Variants in RTN3 observed in about 807,000 individuals in gnomAD.
The protein encoded by RTN3 is reticulon-3.
In RTN3, 49 loss-of-function variants were observed where a neutral mutation model predicts 77.8. That is an observed-to-expected ratio of 0.63 (90% confidence interval 0.50 to 0.80). RTN3 has a LOEUF of 0.80. Ranked by LOEUF, RTN3 falls within the 30% of genes least tolerant of loss-of-function variation. The probability of loss-of-function intolerance (pLI) is 0.00; values close to 1 mark genes in which losing one functional copy is unlikely to be tolerated. For missense variants in RTN3, 1,236 were observed against 1,211.9 expected (o/e 1.02, Z -0.29); for synonymous variants, 464 against 446.9 (o/e 1.04, Z -0.48).
Position 63,749,999 on chromosome 11 carries a change from C to G in RTN3, c.2539C>G (p.Leu847Val). Residue 847 changes from leucine to valine, a missense_variant, in exon 4 of 9, where the codon CTG becomes GTG. Around this residue, in one of 3 missense-constraint regions of RTN3, gnomAD observed 1,056 missense variants for 990.4 expected, o/e 1.07. Coordinates refer to ENST00000377819, the MANE Select transcript of RTN3 (RefSeq NM_001265589.2). ...RLLTDFSVHD[L>V]IFWRDVKKTG... ...CCCTTTTCTTTTGTCAGTGCACGAT[C>G]TGATTTTCTGGAGAGATGTGAAGAA... 10 of 1,613,230 alleles carry G rather than the reference C, an allele frequency of 6.2e-6. No homozygotes were observed. Among genetic ancestry groups the G allele is most frequent in the Non-Finnish European group, 7.6e-6 (9 of 1,179,238 alleles).
intron 3 of RTN3, 102 bp downstream of exon 3, chr11:63,721,134 C>A: frequency 9.7e-7 from 1 of 1,030,726 alleles, no homozygotes. Flanking sequence ...AAAATTATGG[C>A]TAAAATACAA....
intron 3 of RTN3, among the ~76,000 whole-genome samples, chr11:63,723,747 C>T (rs1444315461): frequency 1.3e-5 from 2 of 152,048 alleles, no homozygotes; most frequent in African/African-American, 2.4e-5. Context: ...GTTTTAAATA[C>T]GTGTATCTGC....
At chr11:63,687,137 C>G (rs1016009840) in intron 1 of RTN3, among the ~76,000 whole-genome samples, 1 of 152,202 alleles carries the variant, frequency 6.6e-6, no homozygotes, top group Non-Finnish European at 1.5e-5. Flanking sequence ...CTGAGTGTTA[C>G]ATTCGTGTCA....
intron 3 of RTN3, among the ~76,000 whole-genome samples, chr11:63,729,900 C>T (rs1214450352): frequency 6.6e-6 from 1 of 152,040 alleles, no homozygotes; most frequent in Non-Finnish European, 1.5e-5. Context: ...TCAAGCAATC[C>T]TCCCACTTCA....
At position 63,720,278 on chromosome 11, in the gene RTN3, A is replaced by G; in HGVS notation, c.1776A>G (p.Leu592=). ...CSKVPDTNVS[L]EDVSEVAPEK... is the part of the protein sequence containing the mutation. ...AAGTACCCGATACGAATGTCTCCTT[A>G]GAAGATGTGAGTGAAGTTGCTCCTG... The change falls in exon 3 of 9, where the codon TTA becomes TTG. Residue 592 remains leucine, a synonymous_variant. Coordinates refer to ENST00000377819, the MANE Select transcript of RTN3 (RefSeq NM_001265589.2). The G allele has an allele frequency of 1.2e-6, 2 of 1,613,588 alleles. No individual in the cohort carries two copies. The highest frequency in any genetic ancestry group is 2.2e-5 in the East Asian group (1 of 44,872).
chr11:63,741,257 C>CTGT (rs1371904675), intron 3 of RTN3, among the ~76,000 whole-genome samples: 2 of 150,544 alleles, frequency 1.3e-5, no homozygotes, highest in African/African-American at 4.9e-5. Flanking sequence ...GGCTGCAGTG[C>CTGT]TGTGGCTTGA....
In RTN3 at chr11:63,681,714, C is replaced by T; in HGVS notation, c.78C>T (p.Gly26=). 6.2e-7 allele frequency: 1 copy of T among 1,609,992 alleles called. No individual in the cohort carries two copies. Among genetic ancestry groups the T allele is most frequent in the South Asian group, 1.1e-5 (1 of 90,894 alleles). The change falls in exon 1 of 9, where the codon GGC becomes GGT. Residue 26 remains glycine (G), a synonymous_variant. Coordinates refer to ENST00000377819, the MANE Select transcript of RTN3 (RefSeq NM_001265589.2). Reference sequence around the variant, plus strand: ...TCGGAGCCGAGCCGTCCGCGCCCGGCGGCGGCGGGAGCCCAGGAGCCTGCC... The same window carrying T: ...TCGGAGCCGAGCCGTCCGCGCCCGGTGGCGGCGGGAGCCCAGGAGCCTGCC... ...SSFGAEPSAP[G]GGGSPGACPA...
At chr11:63,697,357 G>A (rs1253890875) in intron 1 of RTN3, among the ~76,000 whole-genome samples, 1 of 151,408 alleles carries the variant, frequency 6.6e-6, no homozygotes, top group Admixed American at 6.6e-5. Flanking sequence ...CCAGGCTGGG[G>A]TGCAGTGGTT....
At chr11:63,711,829 G>A (rs373308359) in intron 2 of RTN3, among the ~76,000 whole-genome samples, 7 of 152,284 alleles carry the variant, frequency 4.6e-5, no homozygotes, top group Admixed American at 2.0e-4. Context: ...ATCCCAAAGT[G>A]CTGGGATTAC....
At position 63,720,525 on chromosome 11, in the gene RTN3, A is replaced by C; in HGVS notation, c.2023A>C (p.Lys675Gln). The C allele has an allele frequency of 6.2e-7, 1 of 1,614,090 alleles. No homozygotes were observed. The highest frequency in any genetic ancestry group is 8.5e-7 in the Non-Finnish European group (1 of 1,180,016). ...GIVDSERNAFKAISEKMTDFK... is the reference protein window; with the variant it reads ...GIVDSERNAFQAISEKMTDFK... ...AGTAGATAGTGAAAGAAATGCTTTTAAAGCAATATCAGAGAAGATGACAGA... is the reference window on the plus strand; with the variant it reads ...AGTAGATAGTGAAAGAAATGCTTTTCAAGCAATATCAGAGAAGATGACAGA... The change falls in exon 3 of 9, where the codon AAA (lysine) becomes CAA (glutamine). Residue 675 changes from lysine to glutamine, a missense_variant. By Grantham distance (53) the Lys-to-Gln change is moderately conservative. Around this residue, in one of 3 missense-constraint regions of RTN3, gnomAD observed 1,056 missense variants for 990.4 expected, o/e 1.07. Transcript: ENST00000377819.
At chr11:63,724,915 A>G (rs1161529854) in intron 3 of RTN3, among the ~76,000 whole-genome samples, 1 of 151,810 alleles carries the variant, frequency 6.6e-6, no homozygotes, top group Non-Finnish European at 1.5e-5. Flanking sequence ...ATATTATGGT[A>G]TAACTGTGCA....
chr11:63,683,044 G>GA (rs1941148529), intron 1 of RTN3, among the ~76,000 whole-genome samples: 1 of 151,926 alleles, frequency 6.6e-6, no homozygotes, highest in Non-Finnish European at 1.5e-5. Flanking sequence ...GGGTTCTAAA[G>GA]AAAAAATTTC....
intron 3 of RTN3, among the ~76,000 whole-genome samples, chr11:63,731,392 A>AT (rs1182219023): frequency 1.3e-5 from 2 of 152,088 alleles, no homozygotes; most frequent in African/African-American, 4.8e-5. Context: ...ATTTCAAAGG[A>AT]TTTAAATCAT....
At chr11:63,754,312 G>A (rs1372028500) in intron 7 of RTN3, among the ~76,000 whole-genome samples, 1 of 152,156 alleles carries the variant, frequency 6.6e-6, no homozygotes, top group Non-Finnish European at 1.5e-5. Context: ...CTAACACTTT[G>A]GGGGGCCGAG....
chr11:63,717,439 G>A (rs1424718041), intron 2 of RTN3, among the ~76,000 whole-genome samples: 1 of 136,830 alleles, frequency 7.3e-6, no homozygotes, highest in Non-Finnish European at 1.5e-5. Context: ...GCTGGGGTGC[G>A]ATGGCGTGAC....
Position 63,744,240 on chromosome 11 carries a change from C to CAAAAAAA in RTN3, c.2531-5731_2531-5725dup, listed in dbSNP as rs71468642. Among the ~76,000 whole-genome samples the CAAAAAAA allele has an allele frequency of 6.0e-4, 38 of 63,624 alleles. 2 individuals carry two copies. Among genetic ancestry groups the CAAAAAAA allele is most frequent in the African/African-American group, 3.0e-3 (38 of 12,880 alleles). The allele number at this position is 63,624 out of a possible 152,430, so 41.7% of individuals were successfully genotyped here. The stretch of plus-strand genomic sequence containing the variant: ...CTGGCGACAGAGCAAGACTCTGTCT[C>CAAAAAAA]AAAAAAAAAAAAAAAAAAAAAAAAA... On this transcript the variant is annotated intron_variant, in intron 3 of 8. Transcript: ENST00000377819.
intron 3 of RTN3, among the ~76,000 whole-genome samples, chr11:63,741,891 C>T (rs1345052539): frequency 1.3e-5 from 2 of 151,972 alleles, no homozygotes; most frequent in African/African-American, 4.8e-5. Flanking sequence ...TCGACCAGTA[C>T]TATAGCATCT....
intron 3 of RTN3, among the ~76,000 whole-genome samples, chr11:63,735,088 G>T (rs1039550351): frequency 6.6e-6 from 1 of 151,932 alleles, no homozygotes; most frequent in East Asian, 1.9e-4. Context: ...GTGCAGTGGC[G>T]CAATCTCTGC....
At chr11:63,682,437 T>C (rs1451675838) in intron 1 of RTN3, among the ~76,000 whole-genome samples, 3 of 152,034 alleles carry the variant, frequency 2.0e-5, no homozygotes, top group Non-Finnish European at 4.4e-5. Flanking sequence ...CAGGGAAGAT[T>C]TGGGAGGGAG....
Sources: gnomAD v4.1 joint callset for allele counts (sites outside exome capture counted in the v4.1 genomes callset) on GRCh38, gnomAD v4.1.1 for gene constraint, gnomAD v4.1.1 regional missense constraint, MANE v1.5 for transcripts, NCBI Gene and HGNC (gene_info 2026-07-23, HGNC 2026-07-21) for gene names.